Variants in ZNF407 observed in about 807,000 individuals in gnomAD.
ZNF407 encodes the protein zinc finger protein 407.
ZNF407 carries 17 observed loss-of-function variants against 131.2 expected under a neutral mutation model. The ratio of observed to expected loss-of-function variants is 0.13; its 90% CI spans 0.09 to 0.19. ZNF407 has a LOEUF of 0.19. Ranked by LOEUF, ZNF407 falls within the 10% of genes least tolerant of loss-of-function variation. The pLI is 1.00. For missense variants in ZNF407, 2,681 were observed against 2,830.6 expected, an observed-to-expected ratio of 0.95 and a Z score of 1.20; for synonymous variants, 1,156 against 1,062.0, an observed-to-expected ratio of 1.09 and a Z score of -1.72.
chr18:74,639,657 G>A (rs576527590), intron 2 of ZNF407, among the ~76,000 whole-genome samples: 1 of 152,258 alleles, frequency 6.6e-6, no homozygotes, highest in East Asian at 1.9e-4. Context: ...ACTTCTAACA[G>A]CAGAAATGGA....
At chr18:74,777,385 T>A (rs1171721187) in intron 3 of ZNF407, among the ~76,000 whole-genome samples, 1 of 152,148 alleles carries the variant, frequency 6.6e-6, no homozygotes, top group Non-Finnish European at 1.5e-5. Flanking sequence ...TTCAGATGAT[T>A]AGATGCTTGC....
chr18:74,994,064 TC>T (rs1314348440), intron 8 of ZNF407, among the ~76,000 whole-genome samples: 1 of 152,234 alleles, frequency 6.6e-6, no homozygotes, highest in Admixed American at 6.5e-5. Flanking sequence ...TGTTGGAACA[TC>T]TAATGAAATT....
chr18:74,647,280 AAAAAAT>A (rs1985015110), intron 3 of ZNF407, among the ~76,000 whole-genome samples: 1 of 152,082 alleles, frequency 6.6e-6, no homozygotes, highest in African/African-American at 2.4e-5. Flanking sequence ...CTGTCTTTAC[AAAAAAT>A]AAAAATAATT....
chr18:74,860,361 T>C (rs938511828), intron 4 of ZNF407, among the ~76,000 whole-genome samples: 1 of 152,078 alleles, frequency 6.6e-6, no homozygotes, highest in African/African-American at 2.4e-5. Flanking sequence ...CCCAGACCAC[T>C]TTGAATGCTT....
intron 3 of ZNF407, among the ~76,000 whole-genome samples, chr18:74,650,033 A>G (rs928569288): frequency 1.3e-5 from 2 of 152,226 alleles, no homozygotes; most frequent in East Asian, 1.9e-4. Context: ...ATTCATTGTG[A>G]GGCAACTGTT....
At chr18:74,750,285 A>G (rs142372235) in intron 3 of ZNF407, among the ~76,000 whole-genome samples, 216 of 152,272 alleles carry the variant, frequency 1.4e-3, no homozygotes, top group African/African-American at 5.1e-3. Context: ...TTTAACAGTT[A>G]ATTGCTTTTG....
chr18:75,064,463 G>A lies in ZNF407; in HGVS notation c.6742G>A (p.Ala2248Thr). 10 of 1,481,938 alleles carry A rather than the reference G, an allele frequency of 6.7e-6. No homozygotes were observed. The highest frequency in any genetic ancestry group is 8.1e-6 in the Non-Finnish European group (9 of 1,112,956). The allele number at this position is 1,481,938 out of a possible 1,614,324, so 91.8% of individuals were successfully genotyped here. A position where few individuals can be genotyped will look rare whatever the true frequency, so the allele number is the denominator to read the frequency against. Residue 2248 changes from alanine (A) to threonine (T), a missense_variant, in exon 9 of 9, where the codon GCA becomes ACA. This residue lies in a region of ZNF407 where 620 missense variants were observed against 583.1 expected (regional missense o/e 1.06). Transcript: ENST00000299687. Reference protein sequence around the residue: ...SQRESSELQEA With the variant: ...SQRESSELQET Reference sequence around the variant, plus strand: ...AAGAGAAAGCAGCGAACTCCAGGAAGCATGAGACGCGCGGCACCTTTACTC... The same window carrying A: ...AAGAGAAAGCAGCGAACTCCAGGAAACATGAGACGCGCGGCACCTTTACTC...
intron 4 of ZNF407, among the ~76,000 whole-genome samples, chr18:74,797,876 A>G (rs1969949751): frequency 2.6e-5 from 4 of 151,892 alleles, no homozygotes; most frequent in Admixed American, 2.6e-4. Context: ...TAAGGTTACA[A>G]CTATCATATT....
intron 3 of ZNF407, among the ~76,000 whole-genome samples, chr18:74,698,529 C>T (rs547138195): frequency 2.0e-5 from 3 of 152,248 alleles, no homozygotes; most frequent in South Asian, 4.1e-4. Flanking sequence ...GATAGGAGTA[C>T]TCCGTATGTG....
intron 8 of ZNF407, among the ~76,000 whole-genome samples, chr18:74,970,753 C>A (rs1972463395): frequency 1.3e-5 from 2 of 152,208 alleles, no homozygotes; most frequent in Admixed American, 6.5e-5. Context: ...GTCAGTGGAT[C>A]TGCCATTCTG....
chr18:74,836,763 A>G (rs548781332), intron 4 of ZNF407, among the ~76,000 whole-genome samples: 1 of 152,334 alleles, frequency 6.6e-6, no homozygotes, highest in Admixed American at 6.5e-5. Flanking sequence ...TTTAATCCTA[A>G]CAACACGACT....
chr18:74,904,100 T>A (rs1971564230), intron 7 of ZNF407, among the ~76,000 whole-genome samples: 1 of 152,240 alleles, frequency 6.6e-6, no homozygotes, highest in Non-Finnish European at 1.5e-5. Flanking sequence ...GGATTATTTC[T>A]ATTTCATTGA....
intron 8 of ZNF407, among the ~76,000 whole-genome samples, chr18:75,039,828 A>C (rs575774676): frequency 2.6e-5 from 4 of 150,988 alleles, no homozygotes; most frequent in Admixed American, 1.3e-4. Context: ...AATCATAGTC[A>C]TAAAGAAAAA....
intron 8 of ZNF407, among the ~76,000 whole-genome samples, chr18:74,977,345 A>C (rs1972539540): frequency 6.6e-6 from 1 of 152,218 alleles, no homozygotes. Flanking sequence ...GCCTGCCTAC[A>C]AATTCCACAC....
At chr18:74,961,243 C>T (rs1211411166) in intron 8 of ZNF407, among the ~76,000 whole-genome samples, 2 of 152,098 alleles carry the variant, frequency 1.3e-5, no homozygotes, top group Non-Finnish European at 2.9e-5. Flanking sequence ...CACAGTAAGT[C>T]TTTGTTAAAG....
rs570794410 is a variant in ZNF407 at position 74,689,187 on chromosome 18, G to A, written c.4802+48065G>A. Among the ~76,000 whole-genome samples the A allele has an allele frequency of 4.6e-5, 7 of 152,156 alleles. No homozygotes were observed. In the South Asian group the frequency reaches 1.5e-3, roughly 32 times the overall value. ...TTTCATCAGTGTTTTCTGGTTTTCT[G>A]CATACAGATCTTGCACATACTTTGT... On this transcript the variant is annotated intron_variant, in intron 3 of 8. Transcript: ENST00000299687.
At chr18:74,763,672 G>C (rs1969153378) in intron 3 of ZNF407, among the ~76,000 whole-genome samples, 1 of 145,078 alleles carries the variant, frequency 6.9e-6, no homozygotes, top group Admixed American at 6.8e-5. Context: ...TCCTTGCTTT[G>C]TATCTGTAAA....
intron 3 of ZNF407, among the ~76,000 whole-genome samples, chr18:74,698,092 T>C (rs184368451): frequency 6.6e-6 from 1 of 152,350 alleles, no homozygotes; most frequent in East Asian, 1.9e-4. Context: ...ATTGACATCA[T>C]CCTAAAAGCG....
intron 8 of ZNF407, among the ~76,000 whole-genome samples, chr18:74,985,083 T>C (rs1476245640): frequency 6.6e-6 from 1 of 152,244 alleles, no homozygotes; most frequent in Non-Finnish European, 1.5e-5. Flanking sequence ...ATTGTCGATA[T>C]TTGAGCACAG....
Sources: allele counts gnomAD v4.1 joint callset (sites outside exome capture counted in the v4.1 genomes callset), GRCh38; gene constraint gnomAD v4.1.1; regional missense constraint gnomAD v4.1.1; transcripts MANE v1.5; gene names NCBI Gene and HGNC (gene_info 2026-07-23, HGNC 2026-07-21).